PPM1G: variants seen among roughly 807,000 people sequenced by gnomAD.
PPM1G encodes the protein protein phosphatase 1G.
A neutral mutation model predicts 59.4 loss-of-function variants in PPM1G; 12 were observed. The ratio of observed to expected loss-of-function variants is 0.20; its 90% CI spans 0.13 to 0.33. PPM1G has a LOEUF of 0.33. Among genes scored for constraint, PPM1G ranks in the 10% least tolerant of loss-of-function variants. PPM1G has a pLI of 1.00. For synonymous variants in PPM1G, 245 were observed against 251.9 expected (o/e 0.97, Z 0.26); for missense variants, 392 against 681.3 (o/e 0.58, Z 4.73).
At chr2:27,405,216 G>A (rs932887073) in intron 1 of PPM1G, among the ~76,000 whole-genome samples, 7 of 151,638 alleles carry the variant, frequency 4.6e-5, no homozygotes, top group Middle Eastern at 3.4e-3. Flanking sequence ...TGGGACTACA[G>A]GCGTGCGCCA....
chr2:27,382,473 C>T lies in PPM1G; in HGVS notation c.1331+3G>A. 4.3e-6 allele frequency: 7 copies of T among 1,614,014 alleles called. No individual in the cohort carries two copies. The highest frequency in any genetic ancestry group is 5.9e-6 in the Non-Finnish European group (7 of 1,180,028). The stretch of plus-strand genomic sequence containing the variant: ...GAATTTAGGGCATTCTGCCAGTGCT[C>T]ACCAGATGCCATCACAGGCAATGAC... On this transcript the variant is annotated splice_donor_region_variant and intron_variant, in intron 8 of 9. Transcript: ENST00000344034. The surrounding 1 kb of genome is among the most constrained non-coding windows in gnomAD (Gnocchi z 4.2).
At chr2:27,408,352 G>T (rs1286854489) in intron 1 of PPM1G, among the ~76,000 whole-genome samples, 3 of 152,072 alleles carry the variant, frequency 2.0e-5, no homozygotes, top group Admixed American at 2.0e-4. Flanking sequence ...ACTTCAGAAT[G>T]CTCTTCACAA....
intron 1 of PPM1G, among the ~76,000 whole-genome samples, chr2:27,397,006 A>C (rs1684067440): frequency 6.6e-6 from 1 of 151,944 alleles, no homozygotes; most frequent in South Asian, 2.1e-4. Flanking sequence ...ATTAGCTGAG[A>C]TTACATGCAT....
intron 1 of PPM1G, among the ~76,000 whole-genome samples, chr2:27,402,806 CAATAAATAAATAAATA>C (rs201750083): frequency 0.016 from 2,292 of 140,870 alleles, 89 homozygotes; most frequent in African/African-American, 0.053. Context: ...GACTCCATCT[CAATAAATAAATAAATA>C]AATAAATAAA....
At chr2:27,386,452 T>G in intron 2 of PPM1G, 173 bp from the exon 3 acceptor site, 1 of 477,088 alleles carries the variant, frequency 2.1e-6, no homozygotes, top group East Asian at 3.1e-5. Context: ...TCCAAAAAAA[T>G]GGATTTCACC....
At chr2:27,409,009 A>G (rs1663448068) in intron 1 of PPM1G, among the ~76,000 whole-genome samples, 1 of 152,218 alleles carries the variant, frequency 6.6e-6, no homozygotes, top group African/African-American at 2.4e-5. Flanking sequence ...CTGGAGGGCT[A>G]GGTTGGCACG....
intron 1 of PPM1G, chr2:27,392,889 C>T (rs1683950865): frequency 1.4e-6 from 2 of 1,429,254 alleles, no homozygotes; most frequent in South Asian, 2.3e-5. Flanking sequence ...CGTGGTCACC[C>T]AATTCTTTGA....
In PPM1G at chr2:27,381,568, C is replaced by A; in HGVS notation, c.*31G>T. On this transcript the variant is annotated 3_prime_UTR_variant, in exon 10 of 10. Coordinates refer to ENST00000344034, the MANE Select transcript of PPM1G (RefSeq NM_177983.3). ...TCTCAGGTCCGGAGGGCTCAGAAAA[C>A]AGTCTAGGTGGGCAGGGGTCTGGAT... 6.2e-7 allele frequency: 1 copy of A among 1,613,192 alleles called. No individual in the cohort carries two copies. Among genetic ancestry groups the A allele is most frequent in the Non-Finnish European group, 8.5e-7 (1 of 1,179,208 alleles).
chr2:27,382,447 G>T lies in PPM1G; in HGVS notation c.1331+29C>A. 1 of 1,613,154 alleles carries T rather than the reference G, an allele frequency of 6.2e-7. No individual in the cohort carries two copies. Among genetic ancestry groups the T allele is most frequent in the Non-Finnish European group, 8.5e-7 (1 of 1,179,682 alleles). On this transcript the variant is annotated intron_variant, in intron 8 of 9. Transcript: ENST00000344034. The surrounding 1 kb of genome is among the most constrained non-coding windows in gnomAD (Gnocchi z 4.2). The stretch of plus-strand genomic sequence containing the variant: ...TAAGAGAAGACATGCTGCAGAAAGG[G>T]GAATTTAGGGCATTCTGCCAGTGCT...
At chr2:27,392,611 T>TTGG (rs535914125) in intron 1 of PPM1G, among the ~76,000 whole-genome samples, 4 of 102,778 alleles carry the variant, frequency 3.9e-5, no homozygotes, top group African/African-American at 7.6e-5. Context: ...ATTTTTTTTT[T>TTGG]GGGGGGGGGG....
At chr2:27,404,929 G>A (rs555531045) in intron 1 of PPM1G, among the ~76,000 whole-genome samples, 45 of 139,600 alleles carry the variant, frequency 3.2e-4, no homozygotes, top group African/African-American at 1.1e-3. Context: ...GGGCAACAGT[G>A]CAAGACTCCG....
chr2:27,401,409 T>C (rs1306090531), intron 1 of PPM1G, among the ~76,000 whole-genome samples: 1 of 152,190 alleles, frequency 6.6e-6, no homozygotes, highest in Non-Finnish European at 1.5e-5. Context: ...ATAGAGGTCA[T>C]GTAAATTAGT....
intron 1 of PPM1G, among the ~76,000 whole-genome samples, chr2:27,408,873 G>A (rs543750139): frequency 3.9e-5 from 6 of 152,222 alleles, no homozygotes; most frequent in African/African-American, 1.4e-4. Flanking sequence ...TCCCACATCA[G>A]ATATTTTAAA....
chr2:27,384,662 C>G lies in PPM1G; in HGVS notation c.825+11G>C. On this transcript the variant is annotated intron_variant, in intron 5 of 9. Transcript: ENST00000344034. This position sits in a 1 kb window ranked among gnomAD's most constrained non-coding sequence, Gnocchi z 4.8. The stretch of plus-strand genomic sequence containing the variant: ...CAACTTCAGCATCTGCCTGCCCTCA[C>G]AGGCCCTTACCTCACTGTCTTCCTC... The G allele has an allele frequency of 6.3e-7, 1 of 1,589,162 alleles. No homozygotes were observed. Among genetic ancestry groups the G allele is most frequent in the Non-Finnish European group, 8.6e-7 (1 of 1,163,172 alleles).
At position 27,382,275 on chromosome 2, in the gene PPM1G, G is replaced by A; in HGVS notation, c.1332-47C>T. 6.3e-7 allele frequency: 1 copy of A among 1,591,164 alleles called. No individual in the cohort carries two copies. ...AGAATCTTCCAGTCTCACTAAGGCA[G>A]CGTAGAGGAGTATGGACAGAGGTGG... is the stretch of plus-strand genomic sequence containing the variant. On this transcript the variant is annotated intron_variant, in intron 8 of 9. Transcript: ENST00000344034. This position sits in a 1 kb window ranked among gnomAD's most constrained non-coding sequence, Gnocchi z 4.2.
chr2:27,399,024 T>G (rs374409837), intron 1 of PPM1G, among the ~76,000 whole-genome samples: 1 of 151,392 alleles, frequency 6.6e-6, no homozygotes, highest in Non-Finnish European at 1.5e-5. Flanking sequence ...CACACCTGGG[T>G]CCCAGCTACT....
chr2:27,382,256 T>G lies in PPM1G; in HGVS notation c.1332-28A>C. On this transcript the variant is annotated intron_variant, in intron 8 of 9. Transcript: ENST00000344034. This position sits in a 1 kb window ranked among gnomAD's most constrained non-coding sequence, Gnocchi z 4.2. ...GGGGTCAAGAACAACAGTCAGAATC[T>G]TCCAGTCTCACTAAGGCAGCGTAGA... The G allele has an allele frequency of 1.2e-6, 2 of 1,607,400 alleles. No homozygotes were observed. Among genetic ancestry groups the G allele is most frequent in the South Asian group, 1.1e-5 (1 of 90,938 alleles).
chr2:27,402,713 C>G (rs1186792010), intron 1 of PPM1G, among the ~76,000 whole-genome samples: 1 of 151,770 alleles, frequency 6.6e-6, no homozygotes, highest in East Asian at 1.9e-4. Context: ...GAGGCTGAGG[C>G]AGGAGAATGG....
Position 27,409,509 on chromosome 2 carries a change from A to C in PPM1G, c.-87T>G. 7.5e-7 allele frequency: 1 copy of C among 1,342,086 alleles called. No homozygotes were observed. Among genetic ancestry groups the C allele is most frequent in the Middle Eastern group, 2.8e-4 (1 of 3,568 alleles). 83.1% of individuals were successfully genotyped at this position (1,342,086 alleles called of 1,614,324 possible). On this transcript the variant is annotated 5_prime_UTR_variant, in exon 1 of 10. Transcript: ENST00000344034. ...AAGCCCCGGGGGTGCGCGCGGCAGGAGCAGGCCCCGCGGCGCGACCGACGC... is the reference window on the plus strand; with the variant it reads ...AAGCCCCGGGGGTGCGCGCGGCAGGCGCAGGCCCCGCGGCGCGACCGACGC...
Sources: gnomAD v4.1 joint callset for allele counts (sites outside exome capture counted in the v4.1 genomes callset) on GRCh38, gnomAD v4.1.1 for gene constraint, Gnocchi (gnomAD v3.1) non-coding constraint, MANE v1.5 for transcripts, NCBI Gene and HGNC (gene_info 2026-07-23, HGNC 2026-07-21) for gene names.